The following NKAIN2 variants were observed in gnomAD, a reference collection of about 807,000 sequenced individuals.
NKAIN2 encodes the protein sodium/potassium-transporting ATPase subunit beta-1-interacting protein 2.
Under a neutral mutation model 32.6 loss-of-function variants are expected in NKAIN2, and 14 were observed. The ratio of observed to expected loss-of-function variants is 0.43; its 90% CI spans 0.28 to 0.67. The LOEUF (loss-of-function observed/expected upper bound fraction) is 0.67. Ranked by LOEUF, NKAIN2 falls within the 30% of genes least tolerant of loss-of-function variation. The probability of loss-of-function intolerance (pLI) is 0.17; values close to 1 mark genes in which losing one functional copy is unlikely to be tolerated. For synonymous variants in NKAIN2, 80 were observed against 87.2 expected, an observed-to-expected ratio of 0.92 and a Z score of 0.46; for missense variants, 198 against 258.3, an observed-to-expected ratio of 0.77 and a Z score of 1.60.
At chr6:124,320,562 C>G (rs779481551) in intron 2 of NKAIN2, among the ~76,000 whole-genome samples, 17 of 152,122 alleles carry the variant, frequency 1.1e-4, no homozygotes, top group Non-Finnish European at 2.2e-4. Context: ...TTGTCCATCT[C>G]TTACAATAGA....
intron 1 of NKAIN2, among the ~76,000 whole-genome samples, chr6:124,052,887 G>A (rs1582542348): frequency 6.6e-6 from 1 of 151,952 alleles, no homozygotes; most frequent in Non-Finnish European, 1.5e-5. Context: ...TGGTCTGAAT[G>A]TAGGAAATAG....
chr6:124,152,464 C>A (rs986732784), intron 1 of NKAIN2, among the ~76,000 whole-genome samples: 3 of 151,790 alleles, frequency 2.0e-5, no homozygotes, highest in African/African-American at 4.8e-5. Flanking sequence ...AATGAGATAT[C>A]ATTTCACTCC....
At chr6:124,453,550 AAATATCCTTTCC>A (rs68161202) in intron 3 of NKAIN2, among the ~76,000 whole-genome samples, 104,582 of 151,620 alleles carry the variant, frequency 0.69, 38,218 homozygotes, top group South Asian at 0.81. Flanking sequence ...AATGTTTCAA[AAATATCCTTTCC>A]AATATGCAGC....
chr6:124,622,431 G>A (rs1168090671), intron 3 of NKAIN2, among the ~76,000 whole-genome samples: 5 of 152,160 alleles, frequency 3.3e-5, no homozygotes, highest in South Asian at 2.1e-4. Context: ...CTCCATCCCC[G>A]TAGTAGTGTC....
intron 1 of NKAIN2, among the ~76,000 whole-genome samples, chr6:123,907,144 C>CT (rs1213886501): frequency 2.6e-5 from 4 of 152,082 alleles, no homozygotes; most frequent in African/African-American, 9.7e-5. Flanking sequence ...GGCTTTTCTA[C>CT]TATCAGTATG....
At chr6:124,521,026 G>T (rs1048876030) in intron 3 of NKAIN2, among the ~76,000 whole-genome samples, 65 of 152,206 alleles carry the variant, frequency 4.3e-4, no homozygotes, top group African/African-American at 1.5e-3. Context: ...TAGCTTTTTT[G>T]TTGTTGTTGG....
intron 3 of NKAIN2, among the ~76,000 whole-genome samples, chr6:124,539,807 G>A (rs555291067): frequency 1.6e-4 from 24 of 152,118 alleles, no homozygotes; most frequent in African/African-American, 4.1e-4. Context: ...TGCAACCTCC[G>A]CCTCCTGGGT....
intron 4 of NKAIN2, among the ~76,000 whole-genome samples, chr6:124,725,900 G>T (rs954924988): frequency 2.0e-5 from 3 of 152,250 alleles, no homozygotes; most frequent in Non-Finnish European, 2.9e-5. Flanking sequence ...CTTGGGAAGC[G>T]CAAGGGGTCA....
intron 2 of NKAIN2, among the ~76,000 whole-genome samples, chr6:124,347,780 AT>A (rs995086974): frequency 9.9e-5 from 15 of 152,100 alleles, no homozygotes; most frequent in African/African-American, 3.6e-4. Context: ...TTTGGTTTGA[AT>A]TTCCTCCTGT....
chr6:124,726,052 G>C (rs929369907), intron 4 of NKAIN2, among the ~76,000 whole-genome samples: 6 of 152,182 alleles, frequency 3.9e-5, no homozygotes, highest in Non-Finnish European at 8.8e-5. Context: ...GGCTTGGAGG[G>C]TCCTACGCCC....
At chr6:124,523,737 A>G (rs1779209506) in intron 3 of NKAIN2, among the ~76,000 whole-genome samples, 1 of 152,150 alleles carries the variant, frequency 6.6e-6, no homozygotes, top group African/African-American at 2.4e-5. Context: ...CAGAAAGCTA[A>G]AGGAGAGGAG....
At chr6:124,539,898 T>C (rs1779849853) in intron 3 of NKAIN2, among the ~76,000 whole-genome samples, 1 of 152,058 alleles carries the variant, frequency 6.6e-6, no homozygotes, top group African/African-American at 2.4e-5. Context: ...TTTTTTGTAT[T>C]TTAGTAGAGA....
At chr6:124,250,199 C>T (rs560221593) in intron 1 of NKAIN2, among the ~76,000 whole-genome samples, 1 of 152,220 alleles carries the variant, frequency 6.6e-6, no homozygotes, top group African/African-American at 2.4e-5. Flanking sequence ...AACATTAGAT[C>T]TGCTGGTGCC....
intron 1 of NKAIN2, among the ~76,000 whole-genome samples, chr6:123,898,375 G>A (rs1774384806): frequency 6.6e-6 from 1 of 152,114 alleles, no homozygotes; most frequent in Non-Finnish European, 1.5e-5. Flanking sequence ...ATTTTCTGCA[G>A]TTTGACAATT....
intron 4 of NKAIN2, among the ~76,000 whole-genome samples, chr6:124,706,041 A>G (rs145856297): frequency 2.4e-4 from 37 of 152,234 alleles, no homozygotes; most frequent in African/African-American, 8.9e-4. Context: ...GGCGACCTTG[A>G]TGATCACAAT....
chr6:124,200,698 G>T (rs924852197), intron 1 of NKAIN2, among the ~76,000 whole-genome samples: 4 of 152,004 alleles, frequency 2.6e-5, no homozygotes, highest in African/African-American at 9.7e-5. Context: ...AATGAAGCTT[G>T]TCCAATTATT....
chr6:124,521,331 T>C (rs927664086), intron 3 of NKAIN2, among the ~76,000 whole-genome samples: 1 of 152,202 alleles, frequency 6.6e-6, no homozygotes, highest in Non-Finnish European at 1.5e-5. Flanking sequence ...TCCTAGTTTA[T>C]GGCAAATTGC....
chr6:124,127,153 T>C (rs1786215088), intron 1 of NKAIN2, among the ~76,000 whole-genome samples: 1 of 152,186 alleles, frequency 6.6e-6, no homozygotes, highest in Non-Finnish European at 1.5e-5. Flanking sequence ...ATGTAAGAAC[T>C]ATTCAGAAAT....
chr6:123,898,941 A>C (rs1184105971), intron 1 of NKAIN2, among the ~76,000 whole-genome samples: 1 of 152,050 alleles, frequency 6.6e-6, no homozygotes, highest in Non-Finnish European at 1.5e-5. Context: ...TCAGCCACAA[A>C]CTGAAGACTT....
Sources: allele counts gnomAD v4.1 joint callset (sites outside exome capture counted in the v4.1 genomes callset), GRCh38; gene constraint gnomAD v4.1.1; transcripts MANE v1.5; gene names NCBI Gene and HGNC (gene_info 2026-07-23, HGNC 2026-07-21).